Variants in PSME4 observed in about 807,000 individuals in gnomAD.
PSME4 encodes proteasome activator complex subunit 4.
Under a neutral mutation model 253.9 loss-of-function variants are expected in PSME4, and 89 were observed. The observed-to-expected ratio is 0.35, with a 90% CI of 0.30 to 0.42. PSME4 has a LOEUF of 0.42. Among genes scored for constraint, PSME4 ranks in the 10% least tolerant of loss-of-function variants. The pLI is 1.00. For synonymous variants in PSME4, 851 were observed against 759.2 expected, an observed-to-expected ratio of 1.12 and a Z score of -1.99; for missense variants, 2,014 against 2,195.2, an observed-to-expected ratio of 0.92 and a Z score of 1.65.
chr2:53,886,184 G>GC (rs1378831807), intron 40 of PSME4, among the ~76,000 whole-genome samples: 4 of 152,170 alleles, frequency 2.6e-5, no homozygotes, highest in Admixed American at 6.5e-5. Flanking sequence ...AAGGCGGGAG[G>GC]ATCCCTTGAG....
chr2:53,882,115 C>T (rs903731921), intron 41 of PSME4, among the ~76,000 whole-genome samples: 4 of 151,884 alleles, frequency 2.6e-5, no homozygotes, highest in African/African-American at 9.7e-5. Flanking sequence ...AGATTTTTAA[C>T]AGAACAGCCA....
chr2:53,900,052 A>G (rs1250534083), intron 28 of PSME4, 35 bp from the exon 29 acceptor site: 2 of 1,590,732 alleles, frequency 1.3e-6, no homozygotes, highest in South Asian at 1.1e-5. Context: ...AAAAAAATGA[A>G]GTTCTGATGC....
intron 41 of PSME4, among the ~76,000 whole-genome samples, chr2:53,876,240 C>G (rs1031331848): frequency 4.6e-5 from 7 of 152,248 alleles, no homozygotes; most frequent in African/African-American, 1.4e-4. Flanking sequence ...TTTCATAAAT[C>G]TCTTTCAATG....
intron 31 of PSME4, 31 bp downstream of exon 31, chr2:53,897,839 C>T (rs1373934478): frequency 6.2e-7 from 1 of 1,605,154 alleles, no homozygotes; most frequent in African/African-American, 1.3e-5. Flanking sequence ...TATTCTCAAA[C>T]CCAAGACTGT....
chr2:53,924,693 A>G (rs1008236170), intron 14 of PSME4, among the ~76,000 whole-genome samples: 5 of 152,112 alleles, frequency 3.3e-5, no homozygotes, highest in African/African-American at 9.7e-5. Context: ...TTACATATGT[A>G]TACATGTGCC....
intron 1 of PSME4, among the ~76,000 whole-genome samples, chr2:53,954,934 C>T (rs1427786919): frequency 2.0e-5 from 3 of 151,984 alleles, no homozygotes; most frequent in Non-Finnish European, 4.4e-5. Context: ...AATCCTAGCA[C>T]TCTGGGAAGT....
chr2:53,909,968 T>A (rs1277235984), intron 21 of PSME4, 107 bp downstream of exon 21: 1 of 1,013,932 alleles, frequency 9.9e-7, no homozygotes, highest in Admixed American at 1.7e-5. Context: ...AGACTCTGTC[T>A]CAAAACAAAA....
At chr2:53,911,317 T>C (rs1189654534) in intron 20 of PSME4, among the ~76,000 whole-genome samples, 2 of 152,184 alleles carry the variant, frequency 1.3e-5, no homozygotes, top group Non-Finnish European at 2.9e-5. Flanking sequence ...ATATTAATAG[T>C]ATCAAACGTT....
chr2:53,916,624 T>G (rs1668075739), intron 20 of PSME4, among the ~76,000 whole-genome samples: 1 of 152,200 alleles, frequency 6.6e-6, no homozygotes, highest in African/African-American at 2.4e-5. Flanking sequence ...CTGTATTAGT[T>G]TTTTCAAATC....
chr2:53,944,073 T>G (rs1669588194), intron 3 of PSME4, among the ~76,000 whole-genome samples: 1 of 152,206 alleles, frequency 6.6e-6, no homozygotes, highest in African/African-American at 2.4e-5. Flanking sequence ...AAAATTGCTT[T>G]TAAAAGATCA....
At chr2:53,945,133 T>C (rs1003514874) in intron 3 of PSME4, among the ~76,000 whole-genome samples, 1 of 152,082 alleles carries the variant, frequency 6.6e-6, no homozygotes, top group Non-Finnish European at 1.5e-5. Context: ...GAAATATGAA[T>C]TGTTTGTGCC....
intron 22 of PSME4, 61 bp from the exon 23 acceptor site, chr2:53,908,626 G>A (rs2104441593): frequency 6.5e-7 from 1 of 1,529,010 alleles, no homozygotes; most frequent in East Asian, 2.3e-5. Context: ...TAAGAATCTT[G>A]AGGCATTAGT....
rs767550239 is a variant in PSME4, at chr2:53,895,769, A to C, written c.3689-33T>G. 147 of 1,533,880 alleles carry C rather than the reference A, an allele frequency of 9.6e-5. 3 individuals are homozygous for C. The highest frequency in any genetic ancestry group is 8.3e-4 in the South Asian group (66 of 79,830). ...AAAGACAATCACATTTGATGAATTT[A>C]AAAATATTCGCCCAACAATTATTAC... On this transcript the variant is annotated intron_variant, in intron 32 of 46. Coordinates refer to ENST00000404125, the MANE Select transcript of PSME4 (RefSeq NM_014614.3).
chr2:53,893,926 T>C (rs1680026240), intron 34 of PSME4, 127 bp from the exon 35 acceptor site: 1 of 1,351,504 alleles, frequency 7.4e-7, no homozygotes, highest in South Asian at 1.6e-5. Flanking sequence ...CATGAATTCT[T>C]AGTTCTCATA....
chr2:53,878,015 G>C (rs562796161), intron 41 of PSME4, among the ~76,000 whole-genome samples: 1 of 152,274 alleles, frequency 6.6e-6, no homozygotes, highest in Non-Finnish European at 1.5e-5. Context: ...GTGAGTCTCT[G>C]AGGAAATAAC....
intron 43 of PSME4, chr2:53,870,037 C>T (rs1678794487): frequency 6.6e-6 from 1 of 152,206 alleles, no homozygotes; most frequent in Non-Finnish European, 1.5e-5. Flanking sequence ...ACACAGTTTA[C>T]AAAAGTACTA....
Position 53,887,965 on chromosome 2 carries a change from G to A in PSME4, c.4413C>T (p.Gly1471=), listed in dbSNP as rs1679717382. ...DACRLYVLQG[G]LAQQEWRVPE... is the part of the protein sequence containing the mutation. ...GCACTCTCCATTCTTGCTGGGCAAG[G>A]CCACCTTGTAGTACATAAAGTCGAC... The change falls in exon 39 of 47, where the codon GGC becomes GGT. Residue 1471 remains glycine (G), a synonymous_variant. Transcript: ENST00000404125. 1 of 1,612,440 alleles carries A rather than the reference G, an allele frequency of 6.2e-7. No homozygotes were observed. The highest frequency in any genetic ancestry group is 1.3e-5 in the African/African-American group (1 of 74,822).
At chr2:53,911,716 C>T (rs1667835450) in intron 20 of PSME4, among the ~76,000 whole-genome samples, 1 of 152,088 alleles carries the variant, frequency 6.6e-6, no homozygotes, top group South Asian at 2.1e-4. Flanking sequence ...GCAGCTTATG[C>T]AGTCTGTATC....
In PSME4 at chr2:53,906,587, A is replaced by G; in HGVS notation, c.2943+11T>C. 1.9e-6 allele frequency: 3 copies of G among 1,543,124 alleles called. No homozygotes were observed. Among genetic ancestry groups the G allele is most frequent in the Middle Eastern group, 1.7e-4 (1 of 5,738 alleles). On this transcript the variant is annotated intron_variant, in intron 26 of 46. Transcript: ENST00000404125. ...GAGGGCATGAGAGTGCAGCGTTTGG[A>G]TAAGCCTTACCTGACTGTATGAACT...
Sources: gnomAD v4.1 joint callset for allele counts (sites outside exome capture counted in the v4.1 genomes callset) on GRCh38, gnomAD v4.1.1 for gene constraint, MANE v1.5 for transcripts, NCBI Gene and HGNC (gene_info 2026-07-23, HGNC 2026-07-21) for gene names.